The following ZBTB10 variants were observed in gnomAD, a reference collection of about 807,000 sequenced individuals.
ZBTB10 encodes the protein zinc finger and BTB domain-containing protein 10.
Under a neutral mutation model 76.4 loss-of-function variants are expected in ZBTB10, and 32 were observed. The observed-to-expected ratio is 0.42, with a 90% CI of 0.32 to 0.56. The LOEUF is 0.56. ZBTB10 is among the 20% of genes least tolerant of loss of function. The pLI, the probability that ZBTB10 is intolerant of heterozygous loss-of-function variation, is 0.14. For missense variants in ZBTB10, 1,057 were observed against 1,098.5 expected (o/e 0.96, Z 0.53); for synonymous variants, 523 against 432.9 (o/e 1.21, Z -2.58).
intron 2 of ZBTB10, among the ~76,000 whole-genome samples, chr8:80,500,814 T>C (rs1333912448): frequency 1.3e-5 from 2 of 152,204 alleles, no homozygotes; most frequent in Non-Finnish European, 2.9e-5. Context: ...TTTAAGTGTT[T>C]CAAAGAATTT....
At position 80,522,943 on chromosome 8, in the gene ZBTB10, A is replaced by G. The variant is rs1816478494; in HGVS notation, c.*3415A>G. The G allele has an allele frequency of 6.6e-6, 1 of 151,902 alleles. No individual in the cohort carries two copies. Among genetic ancestry groups the G allele is most frequent in the Non-Finnish European group, 1.5e-5 (1 of 67,872 alleles). 9.4% of individuals were successfully genotyped at this position (151,902 alleles called of 1,614,324 possible). ...TAAAAATCTTAATTTTTAAAACTTT[A>G]GTAAGCTTTATTTATATTTTTTAGG... On this transcript the variant is annotated 3_prime_UTR_variant, in exon 6 of 6. Coordinates refer to ENST00000455036, the MANE Select transcript of ZBTB10 (RefSeq NM_001105539.3).
chr8:80,500,855 TGTTTAGGGCTACTGTTC>T (rs992046774), intron 2 of ZBTB10, among the ~76,000 whole-genome samples: 7 of 152,194 alleles, frequency 4.6e-5, no homozygotes, highest in Non-Finnish European at 1.0e-4. Flanking sequence ...TATTCTAGTT[TGTTTAGGGCTACTGTTC>T]TTCTGTTATT....
At chr8:80,501,026 C>A (rs921168120) in intron 2 of ZBTB10, among the ~76,000 whole-genome samples, 1 of 152,092 alleles carries the variant, frequency 6.6e-6, no homozygotes, top group African/African-American at 2.4e-5. Context: ...GCCACCACAC[C>A]CAGCTAATTT....
rs1304624446 is a variant in ZBTB10 at position 80,524,152 on chromosome 8, A to G, written c.*4624A>G. 1.3e-5 allele frequency: 2 copies of G among 152,072 alleles called. No individual in the cohort carries two copies. The highest frequency in any genetic ancestry group is 2.4e-5 in the African/African-American group (1 of 41,454). The allele number at this position is 152,072 out of a possible 1,614,324, so 9.4% of individuals were successfully genotyped here. ...TAATTGGGGTAAGGGGAACACCTTA[A>G]TGAACTTTGACTTATGTATAATTCA... On this transcript the variant is annotated 3_prime_UTR_variant, in exon 6 of 6. Transcript: ENST00000455036.
Position 80,519,534 on chromosome 8 carries a change from C to G in ZBTB10, c.*6C>G. Reference sequence around the variant, plus strand: ...GTATGTCTCTAGATGATTAACTGACCTACTATACTCCTCAAGGATGCTGCA... The same window carrying G: ...GTATGTCTCTAGATGATTAACTGACGTACTATACTCCTCAAGGATGCTGCA... On this transcript the variant is annotated 3_prime_UTR_variant, in exon 6 of 6. Transcript: ENST00000455036. The G allele has an allele frequency of 1.2e-6, 2 of 1,601,610 alleles. No homozygotes were observed. The highest frequency in any genetic ancestry group is 1.7e-6 in the Non-Finnish European group (2 of 1,173,414).
chr8:80,503,849 C>A (rs1328801733), intron 2 of ZBTB10, among the ~76,000 whole-genome samples: 1 of 152,170 alleles, frequency 6.6e-6, no homozygotes, highest in Non-Finnish European at 1.5e-5. Flanking sequence ...TAAACCTAAC[C>A]TAATTCCTCT....
At chr8:80,495,497 C>G (rs967885280) in intron 1 of ZBTB10, among the ~76,000 whole-genome samples, 5 of 151,470 alleles carry the variant, frequency 3.3e-5, no homozygotes, top group African/African-American at 1.2e-4. Flanking sequence ...AAGCTCTGCT[C>G]AGGTCTTGTT....
At position 80,486,403 on chromosome 8, in the gene ZBTB10, GA is replaced by G; in HGVS notation, c.-407del. 1.0e-6 allele frequency: 1 copy of G among 984,718 alleles called. No individual in the cohort carries two copies. The highest frequency in any genetic ancestry group is 4.7e-5 in the South Asian group (1 of 21,378). 61.0% of individuals were successfully genotyped at this position (984,718 alleles called of 1,614,324 possible). A position where few individuals can be genotyped will look rare whatever the true frequency, so the allele number is the denominator to read the frequency against. ...GCGGAGGAAGGATATCTGTGTGGAG[GA>G]TCGGTGTGTGCGCGCGCGGCTTTAA... On this transcript the variant is annotated 5_prime_UTR_variant, in exon 1 of 6. Coordinates refer to ENST00000455036, the MANE Select transcript of ZBTB10 (RefSeq NM_001105539.3).
At chr8:80,516,563 T>G (rs973511892) in intron 3 of ZBTB10, among the ~76,000 whole-genome samples, 1 of 152,214 alleles carries the variant, frequency 6.6e-6, no homozygotes, top group Non-Finnish European at 1.5e-5. Context: ...AATGCTTCAC[T>G]TTAGGATTCT....
At chr8:80,507,592 G>C (rs751963575) in intron 2 of ZBTB10, among the ~76,000 whole-genome samples, 1 of 151,680 alleles carries the variant, frequency 6.6e-6, no homozygotes, top group Non-Finnish European at 1.5e-5. Flanking sequence ...CCAGCCTGGG[G>C]CACAGAGCCA....
intron 1 of ZBTB10, among the ~76,000 whole-genome samples, chr8:80,490,094 C>T (rs1815585765): frequency 6.6e-6 from 1 of 152,158 alleles, no homozygotes; most frequent in South Asian, 2.1e-4. Flanking sequence ...CAGTATAACA[C>T]AACACGTAAT....
intron 1 of ZBTB10, among the ~76,000 whole-genome samples, chr8:80,490,758 A>C (rs1250778377): frequency 6.6e-6 from 1 of 152,166 alleles, no homozygotes; most frequent in East Asian, 1.9e-4. Context: ...CTAAACTCCT[A>C]TTTTCCCAAT....
chr8:80,508,422 T>C (rs1816112015), intron 2 of ZBTB10, among the ~76,000 whole-genome samples: 1 of 152,194 alleles, frequency 6.6e-6, no homozygotes, highest in Non-Finnish European at 1.5e-5. Context: ...TTTGGAAACG[T>C]TTTTATTTAA....
intron 2 of ZBTB10, among the ~76,000 whole-genome samples, chr8:80,506,425 C>A (rs1408808012): frequency 6.6e-6 from 1 of 152,038 alleles, no homozygotes; most frequent in Non-Finnish European, 1.5e-5. Flanking sequence ...AGCAATTCTC[C>A]TGCCTCAGCC....
chr8:80,516,254 T>G (rs1315812319), intron 3 of ZBTB10, among the ~76,000 whole-genome samples: 1 of 152,242 alleles, frequency 6.6e-6, no homozygotes, highest in Non-Finnish European at 1.5e-5. Context: ...TGAATAATAT[T>G]TAATTGTAGA....
At chr8:80,516,020 A>G (rs1394076895) in intron 3 of ZBTB10, among the ~76,000 whole-genome samples, 5 of 152,236 alleles carry the variant, frequency 3.3e-5, no homozygotes. Context: ...CAGATAGAGT[A>G]TTCATTCCTT....
At chr8:80,497,838 T>G (rs1472996808) in intron 1 of ZBTB10, among the ~76,000 whole-genome samples, 1 of 152,018 alleles carries the variant, frequency 6.6e-6, no homozygotes, top group Admixed American at 6.6e-5. Context: ...AATGTTTGTA[T>G]TTTTAGTAGA....
intron 2 of ZBTB10, among the ~76,000 whole-genome samples, chr8:80,502,091 A>C (rs1170932950): frequency 6.6e-6 from 1 of 152,230 alleles, no homozygotes; most frequent in Non-Finnish European, 1.5e-5. Context: ...TTTAAAGAAA[A>C]GCATTAATAA....
chr8:80,506,125 A>G (rs966265661), intron 2 of ZBTB10, among the ~76,000 whole-genome samples: 2 of 151,982 alleles, frequency 1.3e-5, no homozygotes, highest in Non-Finnish European at 2.9e-5. Flanking sequence ...CAGTTTTGCC[A>G]CAATGCTAGC....
Sources: gnomAD v4.1 joint callset for allele counts (sites outside exome capture counted in the v4.1 genomes callset) on GRCh38, gnomAD v4.1.1 for gene constraint, MANE v1.5 for transcripts, NCBI Gene and HGNC (gene_info 2026-07-23, HGNC 2026-07-21) for gene names.